PPP6R2: variants seen among roughly 807,000 people sequenced by gnomAD.
The protein encoded by PPP6R2 is protein phosphatase 6 regulatory subunit 2.
In PPP6R2, 62 loss-of-function variants were observed where a neutral mutation model predicts 100.2. The observed-to-expected ratio is 0.62, with a 90% CI of 0.50 to 0.76. PPP6R2 has a LOEUF of 0.76. Ranked by LOEUF, PPP6R2 falls within the 30% of genes least tolerant of loss-of-function variation. The pLI is 0.00. For missense variants in PPP6R2, 1,142 were observed against 1,276.3 expected (o/e 0.89, Z 1.60); for synonymous variants, 525 against 514.7 (o/e 1.02, Z -0.27).
rs2147848041 is a variant in PPP6R2, at chr22:50,423,675, C to A, written c.1125+61C>A. 9 of 1,592,520 alleles carry A rather than the reference C, an allele frequency of 5.7e-6. No homozygotes were observed. Among genetic ancestry groups the A allele is most frequent in the Non-Finnish European group, 7.7e-6 (9 of 1,164,744 alleles). ...GAGTGTGCCGGGCATGGCCTGTGGA[C>A]TTGTCAGGAGCAGCAGAGCAGGGCC... is the stretch of plus-strand genomic sequence containing the variant. On this transcript the variant is annotated intron_variant, in intron 10 of 23. Transcript: ENST00000612753. This position sits in a 1 kb window ranked among gnomAD's most constrained non-coding sequence, Gnocchi z 4.8.
At chr22:50,436,792 C>T (rs1416395040) in intron 14 of PPP6R2, among the ~76,000 whole-genome samples, 196 bp from the exon 15 acceptor site, 1 of 152,202 alleles carries the variant, frequency 6.6e-6, no homozygotes, top group African/African-American at 2.4e-5. Context: ...ACATGGAGGT[C>T]GGGCTGTCAC....
rs2066615467 is a variant in PPP6R2, at chr22:50,444,535, T to TGGGGGG, written c.*293_*294insGGGGGG. 8 of 67,378 alleles carry TGGGGGG rather than the reference T, an allele frequency of 1.2e-4. No homozygotes were observed. Among genetic ancestry groups the TGGGGGG allele is most frequent in the African/African-American group, 6.9e-4 (5 of 7,296 alleles). The allele number at this position is 67,378 out of a possible 1,614,324, so 4.2% of individuals were successfully genotyped here. On this transcript the variant is annotated 3_prime_UTR_variant, in exon 24 of 24. Transcript: ENST00000612753. ...CGGCCTGCAGGAGCCGGGGTGGGGGTGGGGGTGGGGGGGGCAGGACCCTGA... is the reference window on the plus strand; with the variant it reads ...CGGCCTGCAGGAGCCGGGGTGGGGGTGGGGGGGGGGGTGGGGGGGGCAGGACCCTGA...
chr22:50,358,331 A>T (rs575737776), intron 1 of PPP6R2, among the ~76,000 whole-genome samples: 29 of 152,282 alleles, frequency 1.9e-4, no homozygotes, highest in Admixed American at 1.0e-3. Flanking sequence ...TTTAATTTGG[A>T]TATAGTAAAA....
At chr22:50,337,647 TGTG>T in the PPP6R2 span, among the ~76,000 whole-genome samples, 1 of 110,178 alleles carries the variant, frequency 9.1e-6, no homozygotes, top group Non-Finnish European at 1.6e-5. Context: ...GTGGGTATAG[TGTG>T]TGTGTGGTGT....
Position 50,444,272 on chromosome 22 carries a change from C to T in PPP6R2, c.*25C>T. On this transcript the variant is annotated 3_prime_UTR_variant, in exon 24 of 24. Transcript: ENST00000612753. ...ATGCTGCTGCCGCCCGGCCACGGCCCACCCTGGTCAGGCTGCCTCCTTAAT... is the reference window on the plus strand; with the variant it reads ...ATGCTGCTGCCGCCCGGCCACGGCCTACCCTGGTCAGGCTGCCTCCTTAAT... 2 of 1,610,368 alleles carry T rather than the reference C, an allele frequency of 1.2e-6. No homozygotes were observed. Among genetic ancestry groups the T allele is most frequent in the Non-Finnish European group, 1.7e-6 (2 of 1,178,948 alleles).
At chr22:50,393,515 C>G (rs906112741) in intron 2 of PPP6R2, 11 of 983,222 alleles carry the variant, frequency 1.1e-5, no homozygotes, top group Non-Finnish European at 1.3e-5. Context: ...AGGGGCATGT[C>G]GAGCACGCTG....
intron 4 of PPP6R2, among the ~76,000 whole-genome samples, chr22:50,408,703 A>C (rs1339965111): frequency 2.0e-5 from 3 of 152,296 alleles, no homozygotes; most frequent in East Asian, 3.9e-4. Flanking sequence ...ACCTGATCTT[A>C]TTCCCCTGCC....
upstream of PPP6R2, among the ~76,000 whole-genome samples, chr22:50,338,462 GTGTGTGTTA>G (rs2042328382): frequency 9.8e-6 from 1 of 101,524 alleles, no homozygotes. Context: ...GTGGTATGTA[GTGTGTGTTA>G]TGTGTGTGTT....
intron 2 of PPP6R2, among the ~76,000 whole-genome samples, chr22:50,375,910 G>A (rs540049017): frequency 3.0e-5 from 4 of 133,944 alleles, no homozygotes; most frequent in South Asian, 2.4e-4. Context: ...GCACAATCTC[G>A]GTTCACTGCA....
At chr22:50,443,647 C>T (rs2066374104) in intron 22 of PPP6R2, 1 of 621,062 alleles carries the variant, frequency 1.6e-6, no homozygotes, top group African/African-American at 1.8e-5. Context: ...TTGAGGTCAT[C>T]AATGGACAGG....
chr22:50,444,311 T>C lies in PPP6R2; in HGVS notation c.*64T>C. 3 of 1,487,704 alleles carry C rather than the reference T, an allele frequency of 2.0e-6. No homozygotes were observed. Among genetic ancestry groups the C allele is most frequent in the Non-Finnish European group, 2.7e-6 (3 of 1,096,452 alleles). 92.2% of individuals were successfully genotyped at this position (1,487,704 alleles called of 1,614,324 possible). A position where few individuals can be genotyped will look rare whatever the true frequency, so the allele number is the denominator to read the frequency against. The stretch of plus-strand genomic sequence containing the variant: ...TGCCTCCTTAATCGAGAAAACTACC[T>C]GGTGATGCAATCTTTTTTTTTTTTA... On this transcript the variant is annotated 3_prime_UTR_variant, in exon 24 of 24. Coordinates refer to ENST00000612753, the MANE Select transcript of PPP6R2 (RefSeq NM_001242898.2).
rs529798343 is a variant in PPP6R2 at position 50,412,002 on chromosome 22, G to A, written c.415-2550G>A. The stretch of plus-strand genomic sequence containing the variant: ...GGAGCTTGCAGTGAGCCGAGATTGC[G>A]CCACTGCACTCCAGCCTGGGCCAGA... On this transcript the variant is annotated intron_variant, in intron 4 of 23. Coordinates refer to ENST00000612753, the MANE Select transcript of PPP6R2 (RefSeq NM_001242898.2). Among the ~76,000 whole-genome samples the A allele has an allele frequency of 1.0e-3, 155 of 151,908 alleles. 1 individual carries two copies. The highest frequency in any genetic ancestry group is 3.5e-3 in the African/African-American group (144 of 41,468).
chr22:50,381,938 A>G (rs2053160441), intron 2 of PPP6R2, among the ~76,000 whole-genome samples: 1 of 151,992 alleles, frequency 6.6e-6, no homozygotes, highest in Non-Finnish European at 1.5e-5. Flanking sequence ...AAAGGAATAG[A>G]AACTGTACAA....
chr22:50,374,251 C>T (rs1331679345), intron 2 of PPP6R2, among the ~76,000 whole-genome samples: 2 of 152,136 alleles, frequency 1.3e-5, no homozygotes, highest in Non-Finnish European at 2.9e-5. Flanking sequence ...GGATGGATGG[C>T]TTGAGTCTGA....
chr22:50,401,364 G>A (rs868691470), intron 3 of PPP6R2, among the ~76,000 whole-genome samples: 16 of 151,090 alleles, frequency 1.1e-4, no homozygotes, highest in South Asian at 2.1e-4. Context: ...CCACCACCAC[G>A]CCCGGCTAAT....
intron 3 of PPP6R2, among the ~76,000 whole-genome samples, chr22:50,399,480 G>A (rs373955231): frequency 1.3e-5 from 2 of 152,370 alleles, no homozygotes; most frequent in East Asian, 1.9e-4. Flanking sequence ...GTTAAACACC[G>A]CCTCCCGCAA....
intron 16 of PPP6R2, 22 bp from the exon 17 acceptor site, chr22:50,437,821 G>A (rs1303490134): frequency 6.4e-7 from 1 of 1,551,918 alleles, no homozygotes; most frequent in South Asian, 1.2e-5. Context: ...GAACGCTGAA[G>A]CCATCCCCCT....
intron 5 of PPP6R2, 110 bp from the exon 6 acceptor site, chr22:50,415,982 A>G (rs1330603733): frequency 1.0e-6 from 1 of 968,006 alleles, no homozygotes; most frequent in East Asian, 2.4e-5. Flanking sequence ...GTGTCAGGCA[A>G]AGAGTCTATA....
chr22:50,354,400 A>C (rs939220174), intron 1 of PPP6R2, among the ~76,000 whole-genome samples: 1 of 152,212 alleles, frequency 6.6e-6, no homozygotes, highest in African/African-American at 2.4e-5. Context: ...TTCCCCAATA[A>C]GGAATCTGAA....
Sources: allele counts gnomAD v4.1 joint callset (sites outside exome capture counted in the v4.1 genomes callset), GRCh38; gene constraint gnomAD v4.1.1; non-coding constraint Gnocchi (gnomAD v3.1); transcripts MANE v1.5; gene names NCBI Gene and HGNC (gene_info 2026-07-23, HGNC 2026-07-21).